The following POLR3G variants were observed in gnomAD, a reference collection of about 807,000 sequenced individuals.
POLR3G encodes RNA polymerase III subunit G.
A neutral mutation model predicts 30.1 loss-of-function variants in POLR3G; 28 were observed. The observed-to-expected ratio is 0.93, with a 90% CI of 0.69 to 1.27. POLR3G has a LOEUF of 1.27. Among genes scored for constraint, POLR3G ranks in the 50% most tolerant of loss-of-function variants. The pLI, the probability that POLR3G is intolerant of heterozygous loss-of-function variation, is 0.00. For synonymous variants in POLR3G, 79 were observed against 82.5 expected (o/e 0.96, Z 0.23); for missense variants, 254 against 264.6 (o/e 0.96, Z 0.28).
At chr5:90,484,045 T>C (rs1280297184) in intron 1 of POLR3G, among the ~76,000 whole-genome samples, 2 of 152,200 alleles carry the variant, frequency 1.3e-5, no homozygotes, top group Admixed American at 6.5e-5. Context: ...ACCAATACTC[T>C]TAACATTTGC....
chr5:90,487,993 T>G lies in POLR3G; in HGVS notation c.118-7T>G. The G allele has an allele frequency of 6.4e-7, 1 of 1,552,390 alleles. No individual in the cohort carries two copies. The highest frequency in any genetic ancestry group is 8.6e-7 in the Non-Finnish European group (1 of 1,156,270). ...TGAAAAAAATCTTTGTCTCTTAATT[T>G]AAACAGGATACAGATTATAAACCAG... is the stretch of plus-strand genomic sequence containing the variant. On this transcript the variant is annotated splice_polypyrimidine_tract_variant and splice_region_variant and intron_variant, in intron 2 of 7. Coordinates refer to ENST00000651687, the MANE Select transcript of POLR3G (RefSeq NM_006467.3).
chr5:90,509,465 A>C (rs1307023642), intron 7 of POLR3G, among the ~76,000 whole-genome samples: 2 of 152,232 alleles, frequency 1.3e-5, no homozygotes, highest in Non-Finnish European at 2.9e-5. Context: ...ATTACTAGAG[A>C]GACAAAAAAG....
intron 6 of POLR3G, among the ~76,000 whole-genome samples, chr5:90,504,562 CAA>C (rs879719373): frequency 4.6e-5 from 6 of 131,326 alleles, no homozygotes; most frequent in Admixed American, 1.5e-4. Context: ...ACTCCCATCT[CAA>C]AAAAAAAAAA....
upstream of POLR3G, chr5:90,474,459 A>AGGACGCAGAC (rs1224134045): frequency 1.9e-5 from 12 of 647,264 alleles, no homozygotes; most frequent in South Asian, 7.5e-5. Context: ...AGGAGGAGGA[A>AGGACGCAGAC]GGACGCAGAC....
chr5:90,509,338 AT>A (rs1282984431), intron 7 of POLR3G, among the ~76,000 whole-genome samples: 1 of 152,168 alleles, frequency 6.6e-6, no homozygotes, highest in East Asian at 1.9e-4. Context: ...CTGTATAAAC[AT>A]GTAACTCCTC....
intron 3 of POLR3G, among the ~76,000 whole-genome samples, chr5:90,495,456 T>C (rs1232968049): frequency 6.6e-6 from 1 of 152,212 alleles, no homozygotes; most frequent in Non-Finnish European, 1.5e-5. Context: ...CATGTAGGGC[T>C]TGCAGCTTGC....
intron 1 of POLR3G, among the ~76,000 whole-genome samples, chr5:90,481,328 G>GAA (rs1554038297): frequency 1.8e-4 from 25 of 138,022 alleles, no homozygotes; most frequent in African/African-American, 6.1e-4. Flanking sequence ...CAGTATTCTT[G>GAA]AAAAAAAAAA....
intron 2 of POLR3G, 116 bp from the exon 3 acceptor site, chr5:90,487,884 T>G: frequency 3.9e-6 from 3 of 767,690 alleles, no homozygotes; most frequent in Non-Finnish European, 3.8e-6. Context: ...TTGTAAAACT[T>G]AGTGCCTGTA....
chr5:90,507,839 C>T (rs1477523228), intron 7 of POLR3G, among the ~76,000 whole-genome samples: 1 of 152,138 alleles, frequency 6.6e-6, no homozygotes, highest in Non-Finnish European at 1.5e-5. Context: ...ATTTCCATTG[C>T]TCTCTGACAT....
At position 90,494,273 on chromosome 5, in the gene POLR3G, T is replaced by G. The variant is rs142849719; in HGVS notation, c.248-1404T>G. On this transcript the variant is annotated intron_variant, in intron 3 of 7. Transcript: ENST00000651687. ...TATGGCTGAATAATATTCCACTGTA[T>G]GGATATATGCCACATTTTGTTTATC... Among the ~76,000 whole-genome samples the G allele has an allele frequency of 8.5e-5, 13 of 152,334 alleles. No homozygotes were observed. In the East Asian group the frequency reaches 2.5e-3, roughly 29 times the overall value.
chr5:90,502,495 G>GTTAA (rs1752293894), intron 6 of POLR3G: 1 of 565,294 alleles, frequency 1.8e-6, no homozygotes, highest in Non-Finnish European at 2.2e-6. Context: ...GATTCAGAAG[G>GTTAA]TTAAAGCACT....
upstream of POLR3G, chr5:90,474,025 C>A: frequency 6.3e-7 from 1 of 1,594,120 alleles, no homozygotes. Flanking sequence ...TAGAGGCCGC[C>A]GGAGTGGTCG....
rs768821152 is a variant in POLR3G, at chr5:90,495,680, T to C, written c.251T>C (p.Ile84Thr). Residue 84 changes from isoleucine (I) to threonine (T), a missense_variant, in exon 4 of 8, where the codon ATT (isoleucine) becomes ACT (threonine). Physicochemically the swap from Ile to Thr is moderately conservative, Grantham distance 89. Coordinates refer to ENST00000651687, the MANE Select transcript of POLR3G (RefSeq NM_006467.3). ...TCTTTATTCTTTTTTCCCCTAGATATTGAAAGGTATAGTAAAAGATACATG... is the reference window on the plus strand; with the variant it reads ...TCTTTATTCTTTTTTCCCCTAGATACTGAAAGGTATAGTAAAAGATACATG... ...FIETPEERQD[I>T]ERYSKRYMKV... 2.5e-6 allele frequency: 4 copies of C among 1,601,852 alleles called. No homozygotes were observed. The highest frequency in any genetic ancestry group is 2.6e-6 in the Non-Finnish European group (3 of 1,174,406).
chr5:90,495,608 A>G, intron 3 of POLR3G, 69 bp from the exon 4 acceptor site: 1 of 1,557,298 alleles, frequency 6.4e-7, no homozygotes, highest in Non-Finnish European at 8.7e-7. Flanking sequence ...CAATAATCTT[A>G]AAGGAATGGC....
chr5:90,482,773 A>T (rs1751208587), intron 1 of POLR3G, among the ~76,000 whole-genome samples: 1 of 152,130 alleles, frequency 6.6e-6, no homozygotes, highest in Non-Finnish European at 1.5e-5. Flanking sequence ...TTGACTTCCT[A>T]TGATTTCATC....
chr5:90,508,040 C>T (rs886889410), intron 7 of POLR3G, among the ~76,000 whole-genome samples: 1 of 152,122 alleles, frequency 6.6e-6, no homozygotes, highest in African/African-American at 2.4e-5. Context: ...ACCTATTTTC[C>T]CTTTCAAATC....
intron 5 of POLR3G, among the ~76,000 whole-genome samples, chr5:90,500,489 T>C (rs1752195635): frequency 6.6e-6 from 1 of 152,164 alleles, no homozygotes; most frequent in African/African-American, 2.4e-5. Flanking sequence ...GTAGAATACA[T>C]TCTTAGCTAA....
chr5:90,509,319 A>G (rs1752630405), intron 7 of POLR3G, among the ~76,000 whole-genome samples: 1 of 152,010 alleles, frequency 6.6e-6, no homozygotes, highest in African/African-American at 2.4e-5. Context: ...ATCCCTCCCC[A>G]TAGTTACCCT....
At chr5:90,485,237 T>G (rs1751378016) in intron 1 of POLR3G, among the ~76,000 whole-genome samples, 1 of 152,194 alleles carries the variant, frequency 6.6e-6, no homozygotes, top group Non-Finnish European at 1.5e-5. Flanking sequence ...TTATGTACAT[T>G]ACATCTGAGA....
Sources: allele counts gnomAD v4.1 joint callset (sites outside exome capture counted in the v4.1 genomes callset), GRCh38; gene constraint gnomAD v4.1.1; transcripts MANE v1.5; gene names NCBI Gene and HGNC (gene_info 2026-07-23, HGNC 2026-07-21).